SUMF1: variants seen among roughly 807,000 people sequenced by gnomAD.
SUMF1 encodes formylglycine-generating enzyme.
A neutral mutation model predicts 47.6 loss-of-function variants in SUMF1; 48 were observed. That is an observed-to-expected ratio of 1.01 (90% CI 0.80 to 1.28). The LOEUF (loss-of-function observed/expected upper bound fraction) is 1.28. Among genes scored for constraint, SUMF1 ranks in the 50% most tolerant of loss-of-function variants. The pLI, the probability that SUMF1 is intolerant of heterozygous loss-of-function variation, is 0.00. For missense variants in SUMF1, 571 were observed against 485.4 expected, an observed-to-expected ratio of 1.18 and a Z score of -1.66; for synonymous variants, 230 against 192.1, an observed-to-expected ratio of 1.20 and a Z score of -1.63.
At chr3:4,241,042 T>A (rs1696525855) in intron 8 of SUMF1, among the ~76,000 whole-genome samples, 1 of 152,086 alleles carries the variant, frequency 6.6e-6, no homozygotes, top group Non-Finnish European at 1.5e-5. Context: ...GAAAGCACAT[T>A]TATATCAGTA....
chr3:4,349,457 C>T (rs1371674727), intron 8 of SUMF1, among the ~76,000 whole-genome samples: 1 of 152,132 alleles, frequency 6.6e-6, no homozygotes, highest in African/African-American at 2.4e-5. Flanking sequence ...CCAGAAATAC[C>T]ATTTGACTCA....
rs528363734 is a variant in SUMF1 at position 4,456,686 on chromosome 3, A to G, written c.271-3637T>C. On this transcript the variant is annotated intron_variant, in intron 1 of 8. Transcript: ENST00000272902. The stretch of plus-strand genomic sequence containing the variant: ...TATATATATATACGTGTATATATAT[A>G]TGTGTGTATATATATATACGTATAT... Among the ~76,000 whole-genome samples the G allele has an allele frequency of 6.4e-4, 87 of 135,026 alleles. No homozygotes were observed. The Middle Eastern group carries it at 0.011, about 18-fold the overall frequency. 88.6% of individuals were successfully genotyped at this position (135,026 alleles called of 152,430 possible). A position where few individuals can be genotyped will look rare whatever the true frequency, so the allele number is the denominator to read the frequency against.
chr3:4,227,149 G>C lies in SUMF1; in HGVS notation c.1014+149181C>G, dbSNP rs191795578. ...GCCAAGTTCTCCAAGAAGCATTCTA[G>C]AGCTTCTTTGGGTATAACGATATGG... is the stretch of plus-strand genomic sequence containing the variant. On this transcript the variant is annotated intron_variant and NMD_transcript_variant, in intron 8 of 12. Transcript: ENST00000448413. 2.0e-5 allele frequency among the ~76,000 whole-genome samples: 3 copies of C among 152,228 alleles called. No homozygotes were observed. The East Asian group carries it at 5.8e-4, about 29-fold the overall frequency.
intron 8 of SUMF1, among the ~76,000 whole-genome samples, chr3:4,086,145 T>C (rs1015975524): frequency 6.7e-6 from 1 of 149,820 alleles, no homozygotes; most frequent in Non-Finnish European, 1.5e-5. Flanking sequence ...AGGCAAAATA[T>C]ACATTACCCA....
At chr3:4,353,443 G>A (rs1296983601) in intron 8 of SUMF1, among the ~76,000 whole-genome samples, 22 of 152,048 alleles carry the variant, frequency 1.4e-4, no homozygotes, top group Non-Finnish European at 8.8e-5. Context: ...TAGTAGAGAC[G>A]GGGTTTCACC....
rs553890856 is a variant in SUMF1 at position 4,261,710 on chromosome 3, G to A, written c.1014+114620C>T. 1.4e-4 allele frequency among the ~76,000 whole-genome samples: 22 copies of A among 152,286 alleles called. 1 individual carries two copies. The highest frequency in any genetic ancestry group is 5.2e-4 in the Admixed American group (8 of 15,298). Reference sequence around the variant, plus strand: ...GTGAAGGACATCAGATCTCAAGCCTGCTTGAAAAATCTATCCATGTTCACT... The same window carrying A: ...GTGAAGGACATCAGATCTCAAGCCTACTTGAAAAATCTATCCATGTTCACT... On this transcript the variant is annotated intron_variant and NMD_transcript_variant, in intron 8 of 12. Coordinates refer to the SUMF1 transcript ENST00000448413.
At chr3:4,417,420 C>T (rs1701750036) in intron 5 of SUMF1, among the ~76,000 whole-genome samples, 178 bp from the exon 6 acceptor site, 1 of 152,160 alleles carries the variant, frequency 6.6e-6, no homozygotes. Flanking sequence ...TTCCTTATAA[C>T]TTCTCATGTC....
intron 8 of SUMF1, among the ~76,000 whole-genome samples, chr3:4,265,957 G>C (rs1245780909): frequency 2.0e-5 from 3 of 152,018 alleles, no homozygotes; most frequent in African/African-American, 7.2e-5. Context: ...TGGCTAGCCA[G>C]TTTTCCCAGC....
At chr3:4,044,315 A>G (rs1272379161) in intron 9 of SUMF1, among the ~76,000 whole-genome samples, 3 of 152,246 alleles carry the variant, frequency 2.0e-5, no homozygotes, top group African/African-American at 7.2e-5. Flanking sequence ...AGAAGCCAGC[A>G]TCTCTCTCCT....
rs1342970912 is a variant in SUMF1 at position 4,456,928 on chromosome 3, A to ATC, written c.271-3880_271-3879insGA. ...TATATCTATATACGTGTGTGTGTAT[A>ATC]TATATACGTGTGTGTACATATATAC... On this transcript the variant is annotated intron_variant, in intron 1 of 8. Transcript: ENST00000272902. Among the ~76,000 whole-genome samples the ATC allele has an allele frequency of 1.7e-4, 21 of 126,460 alleles. 3 individuals carry two copies. Among genetic ancestry groups the ATC allele is most frequent in the Non-Finnish European group, 2.1e-4 (13 of 60,514 alleles). The allele number at this position is 126,460 out of a possible 152,430, so 83.0% of individuals were successfully genotyped here.
At chr3:4,417,275 A>T in intron 5 of SUMF1, 33 bp from the exon 6 acceptor site, 1 of 1,579,498 alleles carries the variant, frequency 6.3e-7, no homozygotes. Context: ...CAGCCTGTCA[A>T]ACAGGCACAG....
intron 3 of SUMF1, among the ~76,000 whole-genome samples, chr3:4,439,304 G>C (rs1226462277): frequency 6.6e-6 from 1 of 151,938 alleles, no homozygotes; most frequent in African/African-American, 2.4e-5. Flanking sequence ...CAGGCGGATC[G>C]CTTGAACTCA....
chr3:4,353,250 A>T (rs1699543046), intron 8 of SUMF1, among the ~76,000 whole-genome samples: 2 of 152,124 alleles, frequency 1.3e-5, no homozygotes, highest in South Asian at 4.1e-4. Flanking sequence ...TTAAGAAAAA[A>T]TTAAGATTAG....
chr3:4,066,232 T>C (rs890010894), intron 9 of SUMF1, among the ~76,000 whole-genome samples: 4 of 151,302 alleles, frequency 2.6e-5, no homozygotes, highest in African/African-American at 9.7e-5. Flanking sequence ...CAAAACAGGA[T>C]GAAATGATAT....
chr3:4,429,195 T>C (rs1017663511), intron 3 of SUMF1, among the ~76,000 whole-genome samples: 2 of 152,256 alleles, frequency 1.3e-5, no homozygotes, highest in Non-Finnish European at 2.9e-5. Context: ...TAGCCCTTGC[T>C]AAAAATCATT....
At chr3:4,459,236 GTTAA>G (rs1559314779) in intron 1 of SUMF1, among the ~76,000 whole-genome samples, 14 of 152,222 alleles carry the variant, frequency 9.2e-5, no homozygotes, top group Non-Finnish European at 1.5e-5. Context: ...TGATGGATTT[GTTAA>G]TTAGCTTGAT....
intron 8 of SUMF1, among the ~76,000 whole-genome samples, chr3:4,212,383 G>A (rs1825507): frequency 0.6 from 91,016 of 151,840 alleles, 27,437 homozygotes; most frequent in South Asian, 0.7. Flanking sequence ...GGAATAGCAC[G>A]TCCACTCAAA....
At chr3:4,407,606 C>T (rs1031702484) in intron 7 of SUMF1, among the ~76,000 whole-genome samples, 5 of 152,148 alleles carry the variant, frequency 3.3e-5, no homozygotes, top group Non-Finnish European at 7.4e-5. Flanking sequence ...CTTTGCTAAG[C>T]ACTAGAGATA....
chr3:4,432,920 C>A (rs1285912535), intron 3 of SUMF1, among the ~76,000 whole-genome samples: 1 of 152,036 alleles, frequency 6.6e-6, no homozygotes, highest in Non-Finnish European at 1.5e-5. Context: ...ATTTCCAAAC[C>A]CCACCCCACC....
Sources: allele counts gnomAD v4.1 joint callset (sites outside exome capture counted in the v4.1 genomes callset), GRCh38; gene constraint gnomAD v4.1.1; transcripts MANE v1.5; gene names NCBI Gene and HGNC (gene_info 2026-07-23, HGNC 2026-07-21).